The following SRGAP2 variants were observed in gnomAD, a reference collection of about 807,000 sequenced individuals.
SRGAP2 encodes SLIT-ROBO Rho GTPase activating protein 2, also known as SLIT-ROBO Rho GTPase-activating protein 2.
A neutral mutation model predicts 57.2 loss-of-function variants in SRGAP2; 15 were observed. The ratio of observed to expected loss-of-function variants is 0.26; its 90% CI spans 0.18 to 0.40. The LOEUF is 0.40. Ranked by LOEUF, SRGAP2 falls within the 10% of genes least tolerant of loss-of-function variation. The pLI is 1.00. For missense variants in SRGAP2, 520 were observed against 669.6 expected (o/e 0.78, Z 2.47); for synonymous variants, 249 against 248.0 (o/e 1.00, Z -0.04).
intron 2 of SRGAP2, among the ~76,000 whole-genome samples, chr1:206,229,902 TGAGA>T (rs200955091): frequency 0.03 from 4,445 of 145,854 alleles, 80 homozygotes; most frequent in African/African-American, 0.041. Context: ...GGTTATACGT[TGAGA>T]GAGAGATATA....
chr1:206,442,038 A>T (rs781840860), intron 17 of SRGAP2, among the ~76,000 whole-genome samples: 21 of 152,248 alleles, frequency 1.4e-4, no homozygotes, highest in Non-Finnish European at 2.5e-4. Flanking sequence ...GTCTCTGCTT[A>T]AAAGGAATAC....
intron 21 of SRGAP2, chr1:206,458,418 C>A (rs1553379181): frequency 1.4e-6 from 1 of 711,006 alleles, no homozygotes; most frequent in Non-Finnish European, 2.6e-6. Flanking sequence ...AAGTAAGTAT[C>A]CATTTCTCCT....
At chr1:206,411,572 G>A (rs1659228160) in intron 10 of SRGAP2, among the ~76,000 whole-genome samples, 1 of 152,154 alleles carries the variant, frequency 6.6e-6, no homozygotes, top group African/African-American at 2.4e-5. Flanking sequence ...CTGCATGGTG[G>A]GGAAACAGCC....
intron 2 of SRGAP2, among the ~76,000 whole-genome samples, chr1:206,249,662 C>T (rs1190198873): frequency 1.3e-5 from 2 of 150,566 alleles, no homozygotes; most frequent in Non-Finnish European, 3.0e-5. Flanking sequence ...TTGATGGGGG[C>T]AGCAAACCAC....
chr1:206,205,284 C>T (rs1553300879), intron 1 of SRGAP2, 145 bp from the exon 2 acceptor site: 2 of 143,826 alleles, frequency 1.4e-5, no homozygotes, highest in African/African-American at 2.6e-5. Flanking sequence ...CACCTCGTAG[C>T]GCCAGGCTCT....
intron 3 of SRGAP2, among the ~76,000 whole-genome samples, chr1:206,305,611 T>C (rs1262489921): frequency 6.6e-6 from 1 of 151,678 alleles, no homozygotes; most frequent in African/African-American, 2.4e-5. Context: ...AGTTTGATCT[T>C]CTGGTGTCCC....
chr1:206,275,660 G>A (rs1292460460), intron 2 of SRGAP2, among the ~76,000 whole-genome samples: 1 of 148,950 alleles, frequency 6.7e-6, no homozygotes, highest in Non-Finnish European at 1.5e-5. Flanking sequence ...CTGTCACCAG[G>A]CTGGAGTGCA....
intron 13 of SRGAP2, among the ~76,000 whole-genome samples, chr1:206,428,219 G>T (rs868919239): frequency 6.6e-6 from 1 of 151,886 alleles, no homozygotes; most frequent in African/African-American, 2.4e-5. Flanking sequence ...GATCGAGACC[G>T]TCCTGGCTAA....
At chr1:206,398,456 T>C (rs1473354816) in intron 7 of SRGAP2, among the ~76,000 whole-genome samples, 22 of 152,094 alleles carry the variant, frequency 1.4e-4, no homozygotes, top group African/African-American at 4.8e-4. Flanking sequence ...AGAATAGTTA[T>C]ATAAACAGAG....
chr1:206,327,095 T>A (rs1438342372), intron 3 of SRGAP2, among the ~76,000 whole-genome samples: 1 of 152,020 alleles, frequency 6.6e-6, no homozygotes, highest in Non-Finnish European at 1.5e-5. Context: ...GGGAGGCCAA[T>A]GTGGACAGAT....
At chr1:206,418,321 T>G (rs1319469983) in intron 11 of SRGAP2, among the ~76,000 whole-genome samples, 1 of 152,152 alleles carries the variant, frequency 6.6e-6, no homozygotes, top group Non-Finnish European at 1.5e-5. Flanking sequence ...CGAGAGACAG[T>G]TAGGGGTAGG....
In SRGAP2 at chr1:206,436,895, A is replaced by C. The variant is rs1661808374; in HGVS notation, c.1556-70A>C. On this transcript the variant is annotated intron_variant, in intron 14 of 22. Transcript: ENST00000573034. ...TGCTGGCTGGGGGAGACAGATATTC[A>C]ACTAAGCTTGGCACTATGCTTGTGA... The C allele has an allele frequency of 1.2e-5, 9 of 775,412 alleles. No homozygotes were observed. In the South Asian group the frequency reaches 1.2e-4, roughly 10 times the overall value. 48.0% of individuals were successfully genotyped at this position (775,412 alleles called of 1,614,324 possible).
In SRGAP2 at chr1:206,421,288, C is replaced by A; in HGVS notation, c.1494+14C>A. ...GTGAGGAAACAGGTAAGGGCCCAAGCGGGGCCAGGCTGGTCTGGCCTGAAA... is the reference window on the plus strand; with the variant it reads ...GTGAGGAAACAGGTAAGGGCCCAAGAGGGGCCAGGCTGGTCTGGCCTGAAA... On this transcript the variant is annotated intron_variant, in intron 13 of 22. Coordinates refer to ENST00000573034, the MANE Select transcript of SRGAP2 (RefSeq NM_015326.5). 1.3e-6 allele frequency: 1 copy of A among 777,132 alleles called. No individual in the cohort carries two copies. The highest frequency in any genetic ancestry group is 2.4e-6 in the Non-Finnish European group (1 of 416,430). The allele number at this position is 777,132 out of a possible 1,614,324, so 48.1% of individuals were successfully genotyped here. A position where few individuals can be genotyped will look rare whatever the true frequency, so the allele number is the denominator to read the frequency against.
chr1:206,414,601 A>C (rs551637455), intron 10 of SRGAP2, among the ~76,000 whole-genome samples: 2 of 152,142 alleles, frequency 1.3e-5, no homozygotes, highest in South Asian at 4.2e-4. Flanking sequence ...GAACCACTGC[A>C]GCAGGAGGTG....
At chr1:206,414,389 T>G (rs1234873926) in intron 10 of SRGAP2, among the ~76,000 whole-genome samples, 1 of 152,162 alleles carries the variant, frequency 6.6e-6, no homozygotes, top group African/African-American at 2.4e-5. Flanking sequence ...ATCCATGAAA[T>G]CAAAGGTTTG....
At chr1:206,380,668 T>C (rs2103054101) in intron 4 of SRGAP2, among the ~76,000 whole-genome samples, 1 of 98,926 alleles carries the variant, frequency 1.0e-5, no homozygotes, top group Middle Eastern at 3.9e-3. Context: ...GTAAATTCTT[T>C]TTCTTCCCTG....
At chr1:206,369,338 A>G (rs1467966026) in intron 4 of SRGAP2, among the ~76,000 whole-genome samples, 1 of 151,972 alleles carries the variant, frequency 6.6e-6, no homozygotes, top group African/African-American at 2.4e-5. Flanking sequence ...GTGATCTTGG[A>G]TTAGGCAATG....
In SRGAP2 at chr1:206,454,414, C is replaced by T. The variant is rs965225554; in HGVS notation, c.2361-464C>T. On this transcript the variant is annotated intron_variant, in intron 20 of 22. Transcript: ENST00000573034. The surrounding 1 kb of genome is among the most constrained non-coding windows in gnomAD (Gnocchi z 4.3). ...TGGATGCTCTGAGCGGGGCTAGAGG[C>T]GCTACGACAGTGTGTGGCGGTGTCC... 38 of 558,746 alleles carry T rather than the reference C, an allele frequency of 6.8e-5. No homozygotes were observed. The highest frequency in any genetic ancestry group is 5.9e-4 in the East Asian group (20 of 33,862). The allele number at this position is 558,746 out of a possible 1,614,324, so 34.6% of individuals were successfully genotyped here.
At chr1:206,450,302 C>A in intron 18 of SRGAP2, 84 bp from the exon 19 acceptor site, 1 of 726,338 alleles carries the variant, frequency 1.4e-6, no homozygotes, top group East Asian at 2.6e-5. Flanking sequence ...TCAGTGCCCT[C>A]GCGCCAGGGA....
Sources: gnomAD v4.1 joint callset for allele counts (sites outside exome capture counted in the v4.1 genomes callset) on GRCh38, gnomAD v4.1.1 for gene constraint, Gnocchi (gnomAD v3.1) non-coding constraint, MANE v1.5 for transcripts, NCBI Gene and HGNC (gene_info 2026-07-23, HGNC 2026-07-21) for gene names.